KAZN: variants seen among roughly 807,000 people sequenced by gnomAD.
KAZN encodes kazrin.
Under a neutral mutation model 87.4 loss-of-function variants are expected in KAZN, and 40 were observed. That is an observed-to-expected ratio of 0.46 (90% CI 0.36 to 0.60). The LOEUF (loss-of-function observed/expected upper bound fraction) is 0.60, where lower values mean the gene tolerates loss of function less well. Ranked by LOEUF, KAZN falls within the 20% of genes least tolerant of loss-of-function variation. The pLI, the probability that KAZN is intolerant of heterozygous loss-of-function variation, is 0.00. For missense variants in KAZN, 898 were observed against 1,073.9 expected (o/e 0.84, Z 2.29); for synonymous variants, 466 against 458.3 (o/e 1.02, Z -0.22).
intron 2 of KAZN, among the ~76,000 whole-genome samples, chr1:14,300,282 C>T (rs1654454344): frequency 6.6e-6 from 1 of 151,204 alleles, no homozygotes; most frequent in South Asian, 2.1e-4. Flanking sequence ...TTTTTTAAGA[C>T]AGAGTCTTAC....
chr1:15,022,776 G>T (rs970044451), intron 2 of KAZN, among the ~76,000 whole-genome samples: 2 of 152,228 alleles, frequency 1.3e-5, no homozygotes, highest in Non-Finnish European at 2.9e-5. Context: ...GGTGGGGTTG[G>T]TGTTCTAGGT....
At chr1:14,937,380 T>G (rs1414661490) in intron 1 of KAZN, among the ~76,000 whole-genome samples, 2 of 152,206 alleles carry the variant, frequency 1.3e-5, no homozygotes, top group African/African-American at 2.4e-5. Flanking sequence ...GTTTGTACTT[T>G]CCTGCCTTTC....
chr1:14,607,952 A>G (rs1193035535), intron 1 of KAZN, among the ~76,000 whole-genome samples: 2 of 152,204 alleles, frequency 1.3e-5, no homozygotes, highest in Non-Finnish European at 2.9e-5. Flanking sequence ...TTACCTTCAT[A>G]TTACAGAGAG....
At chr1:14,674,235 T>C (rs1640085025) in intron 1 of KAZN, among the ~76,000 whole-genome samples, 1 of 152,218 alleles carries the variant, frequency 6.6e-6, no homozygotes, top group Admixed American at 6.5e-5. Flanking sequence ...TTAGGTGGCA[T>C]TGAAAGTCAA....
rs998060604 is a variant in KAZN at position 14,970,609 on chromosome 1, G to A, written c.418+9734G>A. Among the ~76,000 whole-genome samples the A allele has an allele frequency of 3.3e-5, 5 of 152,286 alleles. No individual in the cohort carries two copies. The East Asian group carries it at 9.6e-4, about 29-fold the overall frequency. On this transcript the variant is annotated intron_variant, in intron 2 of 14. Coordinates refer to ENST00000376030, the MANE Select transcript of KAZN (RefSeq NM_201628.3). ...TGTGAGTTGCACAGGCAGCCAGGAC[G>A]GCGCCTTCCCCCAGGCGTCCCTGTC...
intron 1 of KAZN, among the ~76,000 whole-genome samples, chr1:14,152,170 A>T (rs1286635959): frequency 6.6e-6 from 1 of 152,238 alleles, no homozygotes; most frequent in East Asian, 1.9e-4. Flanking sequence ...CCTTTGTGTT[A>T]CAAACAATTC....
intron 2 of KAZN, among the ~76,000 whole-genome samples, chr1:14,536,334 C>G (rs945809039): frequency 6.6e-6 from 1 of 152,198 alleles, no homozygotes; most frequent in Non-Finnish European, 1.5e-5. Context: ...GTGAATGTCC[C>G]TCACCACATG....
At chr1:15,017,130 T>C (rs942940898) in intron 2 of KAZN, among the ~76,000 whole-genome samples, 1 of 151,698 alleles carries the variant, frequency 6.6e-6, no homozygotes, top group African/African-American at 2.4e-5. Flanking sequence ...AAACCCTGTC[T>C]CTACTGAAAA....
At chr1:14,981,241 C>T (rs1454109987) in intron 2 of KAZN, among the ~76,000 whole-genome samples, 2 of 152,206 alleles carry the variant, frequency 1.3e-5, no homozygotes, top group Admixed American at 6.5e-5. Flanking sequence ...TGGGGTTTCT[C>T]GCTTTTTGCT....
rs74059353 is a variant in KAZN at position 14,775,334 on chromosome 1, G to A, written c.226+176111G>A. On this transcript the variant is annotated intron_variant, in intron 1 of 14. Coordinates refer to ENST00000376030, the MANE Select transcript of KAZN (RefSeq NM_201628.3). ...ATTCTAGGCAGTCACTGTGCTAAGG[G>A]TTTTATGAGCATTCTGTTGTTCCAG... Among the ~76,000 whole-genome samples the A allele has an allele frequency of 2.6e-3, 392 of 152,344 alleles. 5 individuals carry two copies. The highest frequency in any genetic ancestry group is 9.1e-3 in the African/African-American group (377 of 41,576).
chr1:14,482,318 A>G (rs1268875447), intron 2 of KAZN, among the ~76,000 whole-genome samples: 1 of 152,214 alleles, frequency 6.6e-6, no homozygotes, highest in Non-Finnish European at 1.5e-5. Context: ...TCTAGAAATG[A>G]AAAGTTATTT....
At chr1:14,454,859 T>C (rs1667478711) in intron 2 of KAZN, among the ~76,000 whole-genome samples, 1 of 152,190 alleles carries the variant, frequency 6.6e-6, no homozygotes, top group Admixed American at 6.5e-5. Flanking sequence ...ATATATTTAA[T>C]ATTATCTCAG....
intron 2 of KAZN, among the ~76,000 whole-genome samples, chr1:14,273,898 G>A (rs1161087931): frequency 6.6e-6 from 1 of 152,032 alleles, no homozygotes; most frequent in African/African-American, 2.4e-5. Context: ...AAAAGCGCTT[G>A]GGTGAAAGTA....
At chr1:14,349,533 T>C (rs533854290) in intron 2 of KAZN, among the ~76,000 whole-genome samples, 9 of 152,286 alleles carry the variant, frequency 5.9e-5, no homozygotes, top group Non-Finnish European at 1.5e-5. Flanking sequence ...GAGGTCACAG[T>C]CCTCACCATT....
intron 2 of KAZN, chr1:14,390,557 A>G (rs1295958200): frequency 1.3e-5 from 2 of 152,186 alleles, no homozygotes; most frequent in Non-Finnish European, 2.9e-5. Flanking sequence ...CTGAGGGAGG[A>G]TCATGTTTTG....
chr1:14,277,323 C>CA (rs1652445939), intron 2 of KAZN, among the ~76,000 whole-genome samples: 1 of 152,160 alleles, frequency 6.6e-6, no homozygotes, highest in Admixed American at 6.6e-5. Context: ...AACACAGCCA[C>CA]AATGCCATTT....
At chr1:15,092,766 C>T (rs140021961) in intron 8 of KAZN, among the ~76,000 whole-genome samples, 7 of 152,306 alleles carry the variant, frequency 4.6e-5, no homozygotes, top group South Asian at 2.1e-4. Context: ...TGAGCTACCA[C>T]GCCCGGCCTG....
chr1:14,367,250 C>T (rs951815139), intron 2 of KAZN, among the ~76,000 whole-genome samples: 7 of 152,060 alleles, frequency 4.6e-5, no homozygotes, highest in Non-Finnish European at 1.0e-4. Flanking sequence ...AAAAGGCTCT[C>T]AGCGGGAAAG....
At chr1:14,278,911 C>T (rs1356034401) in intron 2 of KAZN, among the ~76,000 whole-genome samples, 2 of 136,858 alleles carry the variant, frequency 1.5e-5, no homozygotes, top group African/African-American at 5.5e-5. Flanking sequence ...GACCAAGAAG[C>T]TTCATCAAAT....
Sources: gnomAD v4.1 joint callset for allele counts (sites outside exome capture counted in the v4.1 genomes callset) on GRCh38, gnomAD v4.1.1 for gene constraint, MANE v1.5 for transcripts, NCBI Gene and HGNC (gene_info 2026-07-23, HGNC 2026-07-21) for gene names.